Variants in STK33 observed in about 807,000 individuals in gnomAD.
The protein encoded by STK33 is serine/threonine kinase 33, also known as serine/threonine-protein kinase 33.
STK33 carries 52 observed loss-of-function variants against 58.0 expected under a neutral mutation model. The ratio of observed to expected loss-of-function variants is 0.90; its 90% CI spans 0.72 to 1.13. The LOEUF is 1.13. Ranked by LOEUF, STK33 falls within the 50% of genes most tolerant of loss-of-function variation. STK33 has a pLI of 0.00. For missense variants in STK33, 630 were observed against 604.2 expected (o/e 1.04, Z -0.45); for synonymous variants, 215 against 200.1 (o/e 1.07, Z -0.63).
the STK33 span, among the ~76,000 whole-genome samples, chr11:8,368,564 A>G: frequency 1.3e-5 from 2 of 152,242 alleles, no homozygotes; most frequent in Non-Finnish European, 2.9e-5. Flanking sequence ...TGTGAATACT[A>G]AAGAAGAAAT....
At chr11:8,388,693 T>C (rs1848577497), downstream of STK33, among the ~76,000 whole-genome samples, 1 of 152,206 alleles carries the variant, frequency 6.6e-6, no homozygotes, top group South Asian at 2.1e-4. Flanking sequence ...TTCCCTGGTC[T>C]CTCATTGGCA....
intron 1 of STK33, among the ~76,000 whole-genome samples, chr11:8,521,262 T>C (rs1953404795): frequency 6.6e-6 from 1 of 152,134 alleles, no homozygotes. Flanking sequence ...AGCATGGTAC[T>C]GGTACCAAAA....
At chr11:8,369,793 G>A in the STK33 span, among the ~76,000 whole-genome samples, 1 of 152,240 alleles carries the variant, frequency 6.6e-6, no homozygotes, top group African/African-American at 2.4e-5. Context: ...CTTGGTTGCT[G>A]TGCATGCCCT....
At chr11:8,470,334 A>G (rs1463016879) in intron 6 of STK33, among the ~76,000 whole-genome samples, 1 of 152,106 alleles carries the variant, frequency 6.6e-6, no homozygotes, top group African/African-American at 2.4e-5. Flanking sequence ...CTTTTCTCCT[A>G]CAATGTCCTC....
At chr11:8,350,637 A>G in the STK33 span, among the ~76,000 whole-genome samples, 1 of 152,130 alleles carries the variant, frequency 6.6e-6, no homozygotes, top group Non-Finnish European at 1.5e-5. Flanking sequence ...AGAGAGGGAT[A>G]GGCAGGAAAG....
intron 6 of STK33, among the ~76,000 whole-genome samples, chr11:8,467,943 C>CAA (rs372742902): frequency 2.1e-5 from 3 of 140,646 alleles, no homozygotes; most frequent in Admixed American, 7.1e-5. Context: ...GACTCCATCT[C>CAA]AAAAAAAAAA....
At position 8,414,060 on chromosome 11, in the gene STK33, C is replaced by A. The variant is rs976598617; in HGVS notation, c.1147-368G>T. The stretch of plus-strand genomic sequence containing the variant: ...GGCTGAAAGAACTAAAGAAGTTGCC[C>A]AAACGCCAGTGCGTCCAGTGCTAAG... On this transcript the variant is annotated intron_variant, in intron 14 of 15. Coordinates refer to ENST00000687296, the MANE Select transcript of STK33 (RefSeq NM_001352389.2). Among the ~76,000 whole-genome samples, 5 of 152,158 alleles carry A rather than the reference C, an allele frequency of 3.3e-5. No homozygotes were observed. In the East Asian group the frequency reaches 7.7e-4, roughly 24 times the overall value.
intron 14 of STK33, among the ~76,000 whole-genome samples, chr11:8,429,056 T>C (rs1564932868): frequency 1.3e-5 from 2 of 152,094 alleles, no homozygotes; most frequent in Non-Finnish European, 2.9e-5. Flanking sequence ...TAAAATTCTG[T>C]GGAAGAAGTA....
At chr11:8,383,578 A>G in the STK33 span, among the ~76,000 whole-genome samples, 5 of 152,206 alleles carry the variant, frequency 3.3e-5, no homozygotes, top group South Asian at 8.3e-4. Flanking sequence ...CCATTTTCTG[A>G]TTTATTGCTA....
At chr11:8,335,339 C>T in the STK33 span, among the ~76,000 whole-genome samples, 1 of 152,160 alleles carries the variant, frequency 6.6e-6, no homozygotes, top group South Asian at 2.1e-4. Flanking sequence ...CCCGAGGGCT[C>T]CCACCTCTAC....
At chr11:8,490,681 C>A (rs932176352) in intron 1 of STK33, among the ~76,000 whole-genome samples, 20 of 152,134 alleles carry the variant, frequency 1.3e-4, no homozygotes, top group African/African-American at 4.8e-4. Context: ...CTGATTGACA[C>A]CTCATACAGG....
intron 15 of STK33, among the ~76,000 whole-genome samples, chr11:8,398,037 G>GAAA (rs1564848707): frequency 9.9e-5 from 15 of 152,192 alleles, no homozygotes; most frequent in Non-Finnish European, 1.8e-4. Context: ...AAAACACTCT[G>GAAA]CACGATATTA....
chr11:8,354,957 T>A, the STK33 span, among the ~76,000 whole-genome samples: 1 of 152,194 alleles, frequency 6.6e-6, no homozygotes, highest in Non-Finnish European at 1.5e-5. Context: ...CCTGAATGCT[T>A]CTGTTTCTGA....
intron 1 of STK33, among the ~76,000 whole-genome samples, chr11:8,548,673 T>C (rs919059570): frequency 2.6e-5 from 4 of 152,224 alleles, no homozygotes; most frequent in Admixed American, 6.5e-5. Context: ...AGGGATTGCA[T>C]TGAATCTGTA....
intron 5 of STK33, 83 bp downstream of exon 5, chr11:8,474,598 T>G (rs1465497167): frequency 1.0e-6 from 1 of 983,466 alleles, no homozygotes; most frequent in Non-Finnish European, 1.5e-6. Flanking sequence ...TAACAAGAAC[T>G]CATGGGATAT....
the STK33 span, among the ~76,000 whole-genome samples, chr11:8,351,957 C>T: frequency 2.1e-3 from 327 of 152,326 alleles, no homozygotes; most frequent in African/African-American, 7.5e-3. Context: ...CGCTCACGGT[C>T]GGAGGACTGA....
chr11:8,533,997 G>A (rs549779407), intron 1 of STK33, among the ~76,000 whole-genome samples: 7 of 152,220 alleles, frequency 4.6e-5, no homozygotes, highest in South Asian at 4.1e-4. Flanking sequence ...TATATGTGCC[G>A]GAGCCAGTGG....
chr11:8,393,636 G>A (rs7942490), intron 15 of STK33, among the ~76,000 whole-genome samples: 13,733 of 152,222 alleles, frequency 0.09, 798 homozygotes, highest in African/African-American at 0.16. Flanking sequence ...AGAGCTCACA[G>A]GTTTAATACT....
At chr11:8,412,916 A>C (rs1940518109) in intron 15 of STK33, among the ~76,000 whole-genome samples, 1 of 152,244 alleles carries the variant, frequency 6.6e-6, no homozygotes, top group Non-Finnish European at 1.5e-5. Context: ...ATTAAAAAGA[A>C]TAAAACTGCA....
Sources: allele counts gnomAD v4.1 joint callset (sites outside exome capture counted in the v4.1 genomes callset), GRCh38; gene constraint gnomAD v4.1.1; transcripts MANE v1.5; gene names NCBI Gene and HGNC (gene_info 2026-07-23, HGNC 2026-07-21).